Variants in MAD1L1 observed in about 807,000 individuals in gnomAD.
The protein encoded by MAD1L1 is mitotic arrest deficient 1 like 1.
MAD1L1 carries 95 observed loss-of-function variants against 96.9 expected under a neutral mutation model. That is an observed-to-expected ratio of 0.98 (90% CI 0.83 to 1.16). The LOEUF (loss-of-function observed/expected upper bound fraction) is 1.16. Among genes scored for constraint, MAD1L1 ranks in the 50% most tolerant of loss-of-function variants. MAD1L1 has a pLI of 0.00. For synonymous variants in MAD1L1, 473 were observed against 396.6 expected, an observed-to-expected ratio of 1.19 and a Z score of -2.29; for missense variants, 1,007 against 954.4, an observed-to-expected ratio of 1.06 and a Z score of -0.73.
At chr7:2,106,018 A>ATGGCCCCGCCCCTGCCCCACACT (rs1787077026) in intron 11 of MAD1L1, among the ~76,000 whole-genome samples, 1 of 59,200 alleles carries the variant, frequency 1.7e-5, no homozygotes, top group Non-Finnish European at 3.2e-5. Context: ...TGCCCCACAC[A>ATGGCCCCGCCCCTGCCCCACACT]TGGCCCCGCC....
intron 11 of MAD1L1, among the ~76,000 whole-genome samples, chr7:2,073,196 G>A (rs984934168): frequency 4.6e-5 from 7 of 152,132 alleles, no homozygotes; most frequent in Admixed American, 3.9e-4. Context: ...ATATCCCTCC[G>A]CCACTGCTTA....
chr7:2,070,072 C>T (rs769025276), intron 11 of MAD1L1, among the ~76,000 whole-genome samples: 2 of 152,200 alleles, frequency 1.3e-5, no homozygotes, highest in South Asian at 2.1e-4. Flanking sequence ...CTGGGTCATG[C>T]GATTTTTAAG....
chr7:2,060,291 CGA>C (rs1445480617), intron 12 of MAD1L1, among the ~76,000 whole-genome samples: 1 of 147,914 alleles, frequency 6.8e-6, no homozygotes, highest in African/African-American at 2.5e-5. Flanking sequence ...ACGCCGATCC[CGA>C]GATACGCCGA....
chr7:2,142,292 T>TC lies in MAD1L1; in HGVS notation c.1073+6859dup, dbSNP rs754527101. Among the ~76,000 whole-genome samples the TC allele has an allele frequency of 2.6e-5, 4 of 152,132 alleles. No individual in the cohort carries two copies. Among genetic ancestry groups the TC allele is most frequent in the Non-Finnish European group, 4.4e-5 (3 of 68,012 alleles). On this transcript the variant is annotated intron_variant, in intron 11 of 18. Coordinates refer to ENST00000265854, the MANE Select transcript of MAD1L1 (RefSeq NM_001013836.2). The surrounding 1 kb of genome is among the most constrained non-coding windows in gnomAD (Gnocchi z 4.7). ...AACCACCACAGGAAAGCAGATGCCA[T>TC]CAAGGGCCCCGTTCTAGAGACAGAC...
intron 17 of MAD1L1, among the ~76,000 whole-genome samples, chr7:1,923,647 G>A (rs1260520625): frequency 3.3e-5 from 5 of 152,406 alleles, no homozygotes; most frequent in South Asian, 2.1e-4. Flanking sequence ...GGCGTTGGCC[G>A]TGAAGGCGGC....
intron 18 of MAD1L1, among the ~76,000 whole-genome samples, chr7:1,852,130 C>T (rs1000807788): frequency 2.0e-5 from 3 of 152,146 alleles, no homozygotes; most frequent in South Asian, 2.1e-4. Flanking sequence ...TGGGGCAGAG[C>T]GGGTCGGGGA....
Position 2,219,416 on chromosome 7 carries a change from C to A in MAD1L1, c.512G>T (p.Trp171Leu). 1 of 1,613,484 alleles carries A rather than the reference C, an allele frequency of 6.2e-7. No individual in the cohort carries two copies. The highest frequency in any genetic ancestry group is 2.2e-5 in the East Asian group (1 of 44,874). ...ALKGRISELQ[W>L]SVMDQEMRVK... ...CCGCATCTCCTGGTCCATCACGCTC[C>A]ACTGCAGTTCCGAGATCCTCCCCTT... Residue 171 changes from tryptophan (W) to leucine (L), a missense_variant, in exon 6 of 19, where the codon TGG (tryptophan) becomes TTG (leucine). Coordinates refer to ENST00000265854, the MANE Select transcript of MAD1L1 (RefSeq NM_001013836.2).
intron 14 of MAD1L1, among the ~76,000 whole-genome samples, chr7:1,995,587 AGAG>A (rs988150068): frequency 2.8e-4 from 43 of 152,282 alleles, no homozygotes; most frequent in African/African-American, 7.5e-4. Flanking sequence ...CCAGGGCTGG[AGAG>A]GAGGAGAGTG....
At chr7:2,056,143 ACTGT>A (rs1426330341) in intron 12 of MAD1L1, among the ~76,000 whole-genome samples, 6 of 152,222 alleles carry the variant, frequency 3.9e-5, no homozygotes, top group Admixed American at 6.5e-5. Context: ...GAACATGATG[ACTGT>A]CTGACACAAA....
intron 16 of MAD1L1, 77 bp downstream of exon 16, chr7:1,957,552 G>A: frequency 7.0e-7 from 1 of 1,419,830 alleles, no homozygotes. Flanking sequence ...GTGGCAGCAG[G>A]AACCACGGTC....
At chr7:2,078,942 C>T (rs975085486) in intron 11 of MAD1L1, among the ~76,000 whole-genome samples, 2 of 152,252 alleles carry the variant, frequency 1.3e-5, no homozygotes, top group African/African-American at 4.8e-5. Context: ...TTGGGCACCC[C>T]CATAGGGCTG....
intron 10 of MAD1L1, 22 bp downstream of exon 10, chr7:2,213,190 G>A (rs200694759): frequency 2.8e-4 from 452 of 1,613,828 alleles, no homozygotes; most frequent in African/African-American, 6.5e-4. Flanking sequence ...GCGGGACCCC[G>A]GAGACACCTG....
Position 2,225,550 on chromosome 7 carries a change from G to C in MAD1L1, c.151C>G (p.Leu51Val). 1 of 1,613,266 alleles carries C rather than the reference G, an allele frequency of 6.2e-7. No homozygotes were observed. The highest frequency in any genetic ancestry group is 8.5e-7 in the Non-Finnish European group (1 of 1,180,000). Residue 51 changes from leucine to valine, a missense_variant and splice_region_variant, in exon 4 of 19, where the codon CTG becomes GTG. By Grantham distance (32) the Leu-to-Val change is conservative (BLOSUM62 1). Coordinates refer to ENST00000265854, the MANE Select transcript of MAD1L1 (RefSeq NM_001013836.2). ...LQMQYQQSMQ[L>V]EERAEQIRSK... ...CGGATCTGCTCTGCTCTTTCCTCCAGCTGAGCAGGTCGCACCCAAAGAAAA... is the reference window on the plus strand; with the variant it reads ...CGGATCTGCTCTGCTCTTTCCTCCACCTGAGCAGGTCGCACCCAAAGAAAA...
intron 16 of MAD1L1, among the ~76,000 whole-genome samples, chr7:1,940,958 C>G (rs894726693): frequency 1.3e-5 from 2 of 151,412 alleles, no homozygotes; most frequent in South Asian, 2.1e-4. Flanking sequence ...TCCTCTTCCT[C>G]CCCCCGCAGG....
chr7:1,853,664 A>G (rs1399670891), intron 18 of MAD1L1, among the ~76,000 whole-genome samples: 2 of 152,058 alleles, frequency 1.3e-5, no homozygotes, highest in Non-Finnish European at 2.9e-5. Flanking sequence ...CTCCCTCTGC[A>G]CGGGGGCCCC....
intron 15 of MAD1L1, among the ~76,000 whole-genome samples, chr7:1,977,174 C>T (rs554290221): frequency 2.6e-5 from 4 of 152,354 alleles, no homozygotes; most frequent in East Asian, 3.9e-4. Context: ...GCCGCGCCGT[C>T]GGGGAGGCTG....
chr7:2,176,095 C>T (rs1013458261), intron 10 of MAD1L1, among the ~76,000 whole-genome samples: 4 of 152,204 alleles, frequency 2.6e-5, no homozygotes, highest in Non-Finnish European at 4.4e-5. Flanking sequence ...CACCTGTAAT[C>T]TCAGCACTTT....
intron 12 of MAD1L1, among the ~76,000 whole-genome samples, chr7:2,018,441 G>T (rs1782639358): frequency 6.6e-6 from 1 of 152,242 alleles, no homozygotes; most frequent in African/African-American, 2.4e-5. Context: ...AGCTGCTCGT[G>T]AAAGATGGCC....
At chr7:2,167,254 T>C (rs921121980) in intron 10 of MAD1L1, among the ~76,000 whole-genome samples, 23 of 152,196 alleles carry the variant, frequency 1.5e-4, no homozygotes, top group African/African-American at 5.5e-4. Context: ...CTACCTTTAG[T>C]CATGATTAGC....
Sources: gnomAD v4.1 joint callset for allele counts (sites outside exome capture counted in the v4.1 genomes callset) on GRCh38, gnomAD v4.1.1 for gene constraint, Gnocchi (gnomAD v3.1) non-coding constraint, MANE v1.5 for transcripts, NCBI Gene and HGNC (gene_info 2026-07-23, HGNC 2026-07-21) for gene names.